PDE10A: variants seen among roughly 807,000 people sequenced by gnomAD.
PDE10A encodes phosphodiesterase 10A, also known as cAMP and cAMP-inhibited cGMP 3',5'-cyclic phosphodiesterase 10A.
PDE10A carries 39 observed loss-of-function variants against 97.7 expected under a neutral mutation model. The ratio of observed to expected loss-of-function variants is 0.40; its 90% CI spans 0.31 to 0.52. The LOEUF is 0.52. Ranked by LOEUF, PDE10A falls within the 20% of genes least tolerant of loss-of-function variation. The probability of loss-of-function intolerance (pLI) is 0.56; values close to 1 mark genes in which losing one functional copy is unlikely to be tolerated. For missense variants in PDE10A, 731 were observed against 1,047.8 expected (o/e 0.70, Z 4.17); for synonymous variants, 371 against 376.8 (o/e 0.98, Z 0.18).
rs897860070 is a variant in PDE10A, at chr6:165,671,133, A to G, written c.-614-127565T>C. 1.6e-5 allele frequency among the ~76,000 whole-genome samples: 2 copies of G among 124,804 alleles called. No homozygotes were observed. The highest frequency in any genetic ancestry group is 3.5e-5 in the Non-Finnish European group (2 of 56,444). The allele number at this position is 124,804 out of a possible 152,430, so 81.9% of individuals were successfully genotyped here. ...ATCACCCTTTTTGGGTAAAACGTTCACTAATTTTTTTTTTTTTAAGAATCA... is the reference window on the plus strand; with the variant it reads ...ATCACCCTTTTTGGGTAAAACGTTCGCTAATTTTTTTTTTTTTAAGAATCA... On this transcript the variant is annotated intron_variant, in intron 1 of 19. Coordinates refer to the PDE10A transcript ENST00000366882. This position sits in a 1 kb window ranked among gnomAD's most constrained non-coding sequence, Gnocchi z 4.6.
chr6:165,534,720 TG>T (rs752407114), intron 2 of PDE10A, among the ~76,000 whole-genome samples: 77 of 152,166 alleles, frequency 5.1e-4, no homozygotes, highest in Non-Finnish European at 8.2e-4. Context: ...GAATAGATGC[TG>T]AAAAAGCATT....
At chr6:165,470,857 C>T (rs1431553248) in intron 3 of PDE10A, among the ~76,000 whole-genome samples, 1 of 152,144 alleles carries the variant, frequency 6.6e-6, no homozygotes, top group Non-Finnish European at 1.5e-5. Flanking sequence ...TACTGAATCA[C>T]TTCCACAAAT....
chr6:165,873,857 G>C (rs915225149), intron 1 of PDE10A, among the ~76,000 whole-genome samples: 6 of 152,090 alleles, frequency 3.9e-5, no homozygotes, highest in African/African-American at 1.4e-4. Flanking sequence ...GTTTACTACT[G>C]GGTTTTTTTA....
chr6:165,910,821 G>T (rs369822969), intron 1 of PDE10A: 2 of 152,162 alleles, frequency 1.3e-5, no homozygotes, highest in Non-Finnish European at 2.9e-5. Flanking sequence ...GGTTTGAATC[G>T]CAGCTCAGCT....
At chr6:165,693,215 C>T (rs1413167190) in intron 1 of PDE10A, among the ~76,000 whole-genome samples, 1 of 152,048 alleles carries the variant, frequency 6.6e-6, no homozygotes, top group Non-Finnish European at 1.5e-5. Flanking sequence ...GATGTGAAAT[C>T]ATTAGTTGAG....
intron 1 of PDE10A, among the ~76,000 whole-genome samples, chr6:165,852,594 C>T (rs765210943): frequency 4.0e-4 from 61 of 152,194 alleles, no homozygotes; most frequent in Non-Finnish European, 1.0e-4. Flanking sequence ...TGAACAGAGT[C>T]GTAGGACTGC....
intron 1 of PDE10A, among the ~76,000 whole-genome samples, chr6:165,896,652 G>A (rs915076651): frequency 2.6e-5 from 4 of 151,554 alleles, no homozygotes; most frequent in Admixed American, 6.6e-5. Flanking sequence ...AGCCTCCCGA[G>A]TAGCTGAGAC....
At chr6:165,779,274 G>A (rs1334997593) in intron 1 of PDE10A, among the ~76,000 whole-genome samples, 2 of 151,452 alleles carry the variant, frequency 1.3e-5, no homozygotes, top group South Asian at 2.1e-4. Flanking sequence ...CATGCAAGGG[G>A]CCTTTTCACT....
At chr6:165,525,657 C>T (rs898303066) in intron 2 of PDE10A, among the ~76,000 whole-genome samples, 7 of 152,214 alleles carry the variant, frequency 4.6e-5, no homozygotes, top group East Asian at 3.9e-4. Context: ...AATCTAACAG[C>T]GGGAACCACA....
chr6:165,482,814 G>A (rs1779683952), intron 2 of PDE10A, among the ~76,000 whole-genome samples: 1 of 152,188 alleles, frequency 6.6e-6, no homozygotes, highest in African/African-American at 2.4e-5. Flanking sequence ...CTCTGGTCAA[G>A]GCATGAAACA....
intron 2 of PDE10A, among the ~76,000 whole-genome samples, chr6:165,502,447 A>G (rs947333814): frequency 6.6e-6 from 1 of 152,230 alleles, no homozygotes; most frequent in African/African-American, 2.4e-5. Context: ...CAAAACAGCA[A>G]AAGATTTGAA....
At chr6:165,512,754 G>A (rs1231574899) in intron 2 of PDE10A, among the ~76,000 whole-genome samples, 1 of 151,982 alleles carries the variant, frequency 6.6e-6, no homozygotes, top group Non-Finnish European at 1.5e-5. Flanking sequence ...TTAAGAAACT[G>A]ACAAACTGTT....
At chr6:165,440,653 T>C (rs1172853377) in intron 5 of PDE10A, among the ~76,000 whole-genome samples, 4 of 152,082 alleles carry the variant, frequency 2.6e-5, no homozygotes, top group African/African-American at 9.7e-5. Context: ...GATTAAATAA[T>C]TTGGAAGTGT....
intron 5 of PDE10A, among the ~76,000 whole-genome samples, chr6:165,440,599 C>T (rs1350362256): frequency 1.3e-5 from 2 of 152,004 alleles, no homozygotes; most frequent in African/African-American, 4.8e-5. Context: ...CAGTCATTAC[C>T]CATAAGAGAC....
At position 165,696,914 on chromosome 6, in the gene PDE10A, A is replaced by C. The variant is rs978438251; in HGVS notation, c.-614-153346T>G. On this transcript the variant is annotated intron_variant, in intron 1 of 19. Transcript: ENST00000366882. ...CAATAACTAAAATAAAAAATTCAGC[A>C]GAAGGACTCATCAGTAAATATGAAC... Among the ~76,000 whole-genome samples, 3 of 152,242 alleles carry C rather than the reference A, an allele frequency of 2.0e-5. 1 individual carries two copies. Among genetic ancestry groups the C allele is most frequent in the Non-Finnish European group, 4.4e-5 (3 of 68,042 alleles).
chr6:165,836,903 A>G lies in PDE10A; in HGVS notation c.-615+150626T>C, dbSNP rs1323415212. 2.0e-5 allele frequency among the ~76,000 whole-genome samples: 3 copies of G among 152,156 alleles called. No individual in the cohort carries two copies. In the East Asian group the frequency reaches 5.8e-4, roughly 29 times the overall value. ...ATGAGTTCATGTCGTTTGTAGGGAC[A>G]TGGATGAAATTGGAAATCATCATTC... On this transcript the variant is annotated intron_variant, in intron 1 of 19. Transcript: ENST00000366882.
chr6:165,505,204 T>C (rs1041023929), intron 2 of PDE10A, among the ~76,000 whole-genome samples: 1 of 152,234 alleles, frequency 6.6e-6, no homozygotes, highest in African/African-American at 2.4e-5. Flanking sequence ...AATACAAGTG[T>C]TTTATTAGTA....
At chr6:165,828,239 C>T (rs921786342) in intron 1 of PDE10A, among the ~76,000 whole-genome samples, 6 of 152,208 alleles carry the variant, frequency 3.9e-5, no homozygotes, top group African/African-American at 1.4e-4. Flanking sequence ...ATACTAAACA[C>T]CTACTGTTAC....
At chr6:165,449,089 G>C (rs1342369843) in intron 4 of PDE10A, 112 bp from the exon 5 acceptor site, 4 of 748,668 alleles carry the variant, frequency 5.3e-6, no homozygotes, top group Non-Finnish European at 9.6e-6. Context: ...TTTGTTAACA[G>C]AATCAATGGT....
Sources: gnomAD v4.1 joint callset for allele counts (sites outside exome capture counted in the v4.1 genomes callset) on GRCh38, gnomAD v4.1.1 for gene constraint, Gnocchi (gnomAD v3.1) non-coding constraint, MANE v1.5 for transcripts, NCBI Gene and HGNC (gene_info 2026-07-23, HGNC 2026-07-21) for gene names.